Variants in RASGRF2 observed in about 807,000 individuals in gnomAD.
The protein encoded by RASGRF2 is ras-specific guanine nucleotide-releasing factor 2.
A neutral mutation model predicts 151.0 loss-of-function variants in RASGRF2; 76 were observed. The observed-to-expected ratio is 0.50, with a 90% CI of 0.42 to 0.61. The LOEUF (loss-of-function observed/expected upper bound fraction) is 0.61. RASGRF2 is among the 20% of genes least tolerant of loss of function. RASGRF2 has a pLI of 0.00. For synonymous variants in RASGRF2, 504 were observed against 566.5 expected, an observed-to-expected ratio of 0.89 and a Z score of 1.57; for missense variants, 1,148 against 1,564.6, an observed-to-expected ratio of 0.73 and a Z score of 4.49.
chr5:81,016,278 C>A (rs1749634172), intron 1 of RASGRF2, among the ~76,000 whole-genome samples: 1 of 152,154 alleles, frequency 6.6e-6, no homozygotes, highest in South Asian at 2.1e-4. Context: ...ATGACTTAAG[C>A]CCCCATGCAG....
intron 17 of RASGRF2, among the ~76,000 whole-genome samples, chr5:81,173,989 A>G (rs187869839): frequency 5.9e-5 from 9 of 152,362 alleles, no homozygotes; most frequent in Non-Finnish European, 1.2e-4. Context: ...GTAAGAACAG[A>G]GAGAATGAAG....
chr5:81,087,760 AT>A (rs1199630731), intron 9 of RASGRF2: 1 of 195,980 alleles, frequency 5.1e-6, no homozygotes, highest in African/African-American at 2.3e-5. Flanking sequence ...ATAATTTTGA[AT>A]TTGGTGAGGA....
intron 2 of RASGRF2, among the ~76,000 whole-genome samples, chr5:81,062,654 G>T (rs1297261467): frequency 2.0e-5 from 3 of 152,164 alleles, no homozygotes; most frequent in East Asian, 1.9e-4. Flanking sequence ...GTGTCCCAAA[G>T]TATCAAGGTT....
intron 1 of RASGRF2, among the ~76,000 whole-genome samples, chr5:81,007,803 T>A (rs1429743189): frequency 1.3e-5 from 2 of 151,996 alleles, no homozygotes; most frequent in Non-Finnish European, 2.9e-5. Flanking sequence ...ACCTCATCCA[T>A]GGAGGAGTCA....
At position 81,180,193 on chromosome 5, in the gene RASGRF2, G is replaced by T. The variant is rs754146672; in HGVS notation, c.2705G>T (p.Arg902Ile). Residue 902 changes from arginine (R) to isoleucine (I), a missense_variant, in exon 18 of 27, where the codon AGA (arginine) becomes ATA (isoleucine). Physicochemically the swap from Arg to Ile is moderately conservative, Grantham distance 97. Transcript: ENST00000265080. ...TCCTAAGGCTTTAACAACACCGAGA[G>T]AACATGTGATAAAGAGTTTATTATA... ...GSPPGFNNTE[R>I]TCDKEFIIRR... is the part of the protein sequence containing the mutation. 1.2e-6 allele frequency: 2 copies of T among 1,608,884 alleles called. No homozygotes were observed. The highest frequency in any genetic ancestry group is 2.2e-5 in the East Asian group (1 of 44,844).
At position 80,962,053 on chromosome 5, in the gene RASGRF2, GCTGTGGGAGGT is replaced by G. The variant is rs544602311; in HGVS notation, c.288+1028_288+1038del. Among the ~76,000 whole-genome samples the G allele has an allele frequency of 3.9e-5, 6 of 152,286 alleles. No homozygotes were observed. In the East Asian group the frequency reaches 1.2e-3, roughly 29 times the overall value. ...ACAGCATCTACCGCACACCACAGAG[GCTGTGGGAGGT>G]GCTAGCAATGGAGTGATCCGTAAGA... On this transcript the variant is annotated intron_variant, in intron 1 of 26. Coordinates refer to ENST00000265080, the MANE Select transcript of RASGRF2 (RefSeq NM_006909.3).
At chr5:80,995,379 C>CATATATATATATATATATAT (rs751207758) in intron 1 of RASGRF2, among the ~76,000 whole-genome samples, 18 of 132,266 alleles carry the variant, frequency 1.4e-4, no homozygotes, top group African/African-American at 4.8e-4. Flanking sequence ...AATGGAATTT[C>CATATATATATATATATATAT]ATATATATAT....
chr5:81,229,930 C>A lies in RASGRF2; in HGVS notation c.*4160C>A, dbSNP rs1308754619. On this transcript the variant is annotated 3_prime_UTR_variant, in exon 27 of 27. Transcript: ENST00000265080. ...GCACATGAGGTCATCTGATTACTGT[C>A]CTCAGATCTCTTTTGTAGAGGATTT... 2 of 152,206 alleles carry A rather than the reference C, an allele frequency of 1.3e-5. No individual in the cohort carries two copies. The highest frequency in any genetic ancestry group is 4.8e-5 in the African/African-American group (2 of 41,436). 9.4% of individuals were successfully genotyped at this position (152,206 alleles called of 1,614,324 possible).
chr5:81,096,969 G>GT lies in RASGRF2; in HGVS notation c.1755+1987dup, dbSNP rs56915435. ...CTGTTTTTTTTGTTTGTTTGTTTGT[G>GT]TTTTTTTTTTGAGATGGAGTCTCGC... On this transcript the variant is annotated intron_variant, in intron 12 of 26. Coordinates refer to ENST00000265080, the MANE Select transcript of RASGRF2 (RefSeq NM_006909.3). Among the ~76,000 whole-genome samples, 690 of 150,076 alleles carry GT rather than the reference G, an allele frequency of 4.6e-3. 4 individuals are homozygous for GT. Among genetic ancestry groups the GT allele is most frequent in the Non-Finnish European group, 7.9e-3 (532 of 67,452 alleles).
At chr5:81,038,641 C>A (rs1750586125) in intron 1 of RASGRF2, among the ~76,000 whole-genome samples, 1 of 139,666 alleles carries the variant, frequency 7.2e-6, no homozygotes, top group Non-Finnish European at 1.5e-5. Context: ...AGTGGTGGGA[C>A]CATGGCAAAC....
chr5:81,073,355 AT>A lies in RASGRF2; in HGVS notation c.791del (p.Ile264ThrfsTer47). ...GTCAGAGTACGTTCACCAGCTCTAC[AT>A]CCTGGTCAATGGCTTTCTCCGGCCC... ...AESEYVHQLYILVNGFLRPLR... is the reference protein window; with the variant it reads ...AESEYVHQLYXLVNGFLRPLR... On this transcript the variant is annotated frameshift_variant, in exon 5 of 27. Coordinates refer to ENST00000265080, the MANE Select transcript of RASGRF2 (RefSeq NM_006909.3). LOFTEE classifies it high-confidence loss of function. 1.2e-6 allele frequency: 2 copies of A among 1,614,164 alleles called. No individual in the cohort carries two copies. Among genetic ancestry groups the A allele is most frequent in the Non-Finnish European group, 1.7e-6 (2 of 1,180,000 alleles).
chr5:81,138,560 G>A (rs1217869985), intron 17 of RASGRF2, among the ~76,000 whole-genome samples: 1 of 152,112 alleles, frequency 6.6e-6, no homozygotes, highest in Non-Finnish European at 1.5e-5. Context: ...TTACTGGGAG[G>A]ACTTGGTGTG....
intron 1 of RASGRF2, among the ~76,000 whole-genome samples, chr5:81,032,656 A>G (rs577179882): frequency 7.2e-5 from 11 of 152,328 alleles, no homozygotes; most frequent in African/African-American, 2.4e-4. Context: ...TCAAAATAAT[A>G]AGAGCTATTT....
chr5:81,224,316 A>G (rs997120859), intron 26 of RASGRF2, among the ~76,000 whole-genome samples: 3 of 152,228 alleles, frequency 2.0e-5, no homozygotes, highest in Non-Finnish European at 4.4e-5. Flanking sequence ...TGCTTAGGGT[A>G]TAGGAAAACA....
intron 7 of RASGRF2, among the ~76,000 whole-genome samples, chr5:81,081,340 C>T (rs868743499): frequency 6.6e-6 from 1 of 152,106 alleles, no homozygotes; most frequent in African/African-American, 2.4e-5. Context: ...ACAGAAGGCA[C>T]GGGTGGGACC....
intron 9 of RASGRF2, among the ~76,000 whole-genome samples, chr5:81,091,627 T>C (rs1408677497): frequency 6.6e-6 from 1 of 152,068 alleles, no homozygotes; most frequent in East Asian, 1.9e-4. Context: ...AACATTCATA[T>C]GTTAATATGA....
intron 2 of RASGRF2, among the ~76,000 whole-genome samples, chr5:81,059,683 A>G (rs569187237): frequency 8.6e-5 from 13 of 152,044 alleles, no homozygotes; most frequent in South Asian, 8.3e-4. Flanking sequence ...CGTCTCTACT[A>G]AAAATATAAA....
intron 15 of RASGRF2, among the ~76,000 whole-genome samples, chr5:81,120,041 C>T (rs2112559581): frequency 6.6e-6 from 1 of 152,258 alleles, no homozygotes; most frequent in African/African-American, 2.4e-5. Context: ...TACTCCAGAG[C>T]TGTCAGCTCC....
chr5:81,146,303 T>C (rs1277771624), intron 17 of RASGRF2, among the ~76,000 whole-genome samples: 1 of 152,172 alleles, frequency 6.6e-6, no homozygotes, highest in Non-Finnish European at 1.5e-5. Context: ...GTAGCTATTG[T>C]CTGTGTGTAA....
Sources: allele counts gnomAD v4.1 joint callset (sites outside exome capture counted in the v4.1 genomes callset), GRCh38; gene constraint gnomAD v4.1.1; transcripts MANE v1.5; gene names NCBI Gene and HGNC (gene_info 2026-07-23, HGNC 2026-07-21).